BBS1: variants seen among roughly 807,000 people sequenced by gnomAD.
The protein encoded by BBS1 is BBSome complex member BBS1.
Under a neutral mutation model 73.9 loss-of-function variants are expected in BBS1, and 60 were observed. That is an observed-to-expected ratio of 0.81 (90% CI 0.66 to 1.01). The LOEUF (loss-of-function observed/expected upper bound fraction) is 1.01. BBS1 is among the 50% of genes least tolerant of loss of function. BBS1 has a pLI of 0.00. For synonymous variants in BBS1, 283 were observed against 317.4 expected (o/e 0.89, Z 1.15); for missense variants, 718 against 770.3 (o/e 0.93, Z 0.80).
At position 66,514,480 on chromosome 11, in the gene BBS1, C is replaced by T. The variant is rs748732460; in HGVS notation, c.234C>T (p.Thr78=). The change falls in exon 4 of 17, where the codon ACC becomes ACT. Residue 78 remains threonine, a synonymous_variant. Transcript: ENST00000318312. ...TGCTCAAAGGACCACTGGTGATGAC[C>T]GAAAGCCCGCTACCTGCTCTGCCAG... ...LKVLKGPLVM[T]ESPLPALPAA... The T allele has an allele frequency of 1.1e-5, 17 of 1,614,048 alleles. No individual in the cohort carries two copies. In the African/African-American group the frequency reaches 1.6e-4, roughly 15 times the overall value.
intron 1 of BBS1, 112 bp downstream of exon 1, chr11:66,510,818 G>A: frequency 6.7e-7 from 1 of 1,497,502 alleles, no homozygotes; most frequent in East Asian, 2.3e-5. Flanking sequence ...ACTCTTAAGA[G>A]GTCAGATAGG....
chr11:66,532,603 C>T lies in BBS1; in HGVS notation c.*566C>T. 1 of 155,864 alleles carries T rather than the reference C, an allele frequency of 6.4e-6. No individual in the cohort carries two copies. The highest frequency in any genetic ancestry group is 1.4e-5 in the Non-Finnish European group (1 of 70,142). The allele number at this position is 155,864 out of a possible 1,614,324, so 9.7% of individuals were successfully genotyped here. A position where few individuals can be genotyped will look rare whatever the true frequency, so the allele number is the denominator to read the frequency against. On this transcript the variant is annotated 3_prime_UTR_variant, in exon 17 of 17. Coordinates refer to ENST00000318312, the MANE Select transcript of BBS1 (RefSeq NM_024649.5). ...AGCAAACCCAGGGAATAGCCCTCCTCTCCCCAGGAAACTTCTCTGAAATCT... is the reference window on the plus strand; with the variant it reads ...AGCAAACCCAGGGAATAGCCCTCCTTTCCCCAGGAAACTTCTCTGAAATCT...
At chr11:66,513,740 T>C (rs1330944975) in intron 3 of BBS1, among the ~76,000 whole-genome samples, 1 of 152,194 alleles carries the variant, frequency 6.6e-6, no homozygotes, top group Non-Finnish European at 1.5e-5. Context: ...TCTGATGTGG[T>C]CCCTGGCATA....
At chr11:66,516,122 C>CTTTTT (rs35735110) in intron 7 of BBS1, among the ~76,000 whole-genome samples, 189 bp downstream of exon 7, 20 of 99,358 alleles carry the variant, frequency 2.0e-4, no homozygotes, top group East Asian at 2.8e-4. Flanking sequence ...GTAGTGACAG[C>CTTTTT]TTTTTTTTTT....
At chr11:66,522,003 G>A (rs532303218) in intron 9 of BBS1, among the ~76,000 whole-genome samples, 183 of 150,854 alleles carry the variant, frequency 1.2e-3, no homozygotes, top group Admixed American at 2.9e-3. Flanking sequence ...GGATCATGAG[G>A]TCAGGAGATC....
At chr11:66,511,129 TG>T (rs1270113084) in intron 2 of BBS1, 40 bp downstream of exon 2, 4 of 1,613,634 alleles carry the variant, frequency 2.5e-6, no homozygotes, top group Admixed American at 1.7e-5. Flanking sequence ...TCTAGTGGGA[TG>T]GGGAGTCAGA....
intron 7 of BBS1, among the ~76,000 whole-genome samples, chr11:66,516,315 G>A (rs1321702797): frequency 2.0e-5 from 3 of 151,780 alleles, no homozygotes; most frequent in South Asian, 2.1e-4. Context: ...TAGTAGAGAC[G>A]GGGTTTCACC....
At chr11:66,513,933 T>TGA (rs59656982) in intron 3 of BBS1, among the ~76,000 whole-genome samples, 37,405 of 151,806 alleles carry the variant, frequency 0.25, 4,828 homozygotes, top group East Asian at 0.27. Context: ...GGTGGAAAGC[T>TGA]GAGATCAAGG....
At chr11:66,531,578 T>C (rs1856782051) in intron 15 of BBS1, 78 bp from the exon 16 acceptor site, 4 of 1,585,062 alleles carry the variant, frequency 2.5e-6, no homozygotes, top group South Asian at 2.2e-5. Flanking sequence ...CAGTGGAGAC[T>C]GCGGGCCTGA....
intron 7 of BBS1, among the ~76,000 whole-genome samples, chr11:66,517,871 C>T (rs1689974289): frequency 6.6e-6 from 1 of 151,936 alleles, no homozygotes; most frequent in African/African-American, 2.4e-5. Context: ...TCCCAAAGTG[C>T]TGGGATTACA....
Position 66,532,072 on chromosome 11 carries a change from G to C in BBS1, c.*35G>C. Reference sequence around the variant, plus strand: ...TGCTGTGAAAGCCCCTGCACAATCAGCCAGGGAGAACTGGGCGGGTTTAGT... The same window carrying C: ...TGCTGTGAAAGCCCCTGCACAATCACCCAGGGAGAACTGGGCGGGTTTAGT... On this transcript the variant is annotated 3_prime_UTR_variant, in exon 17 of 17. Transcript: ENST00000318312. 6.4e-7 allele frequency: 1 copy of C among 1,573,666 alleles called. No individual in the cohort carries two copies. Among genetic ancestry groups the C allele is most frequent in the Admixed American group, 1.8e-5 (1 of 54,380 alleles).
chr11:66,529,171 G>T (rs1856650433), intron 13 of BBS1: 1 of 1,250,044 alleles, frequency 8.0e-7, no homozygotes, highest in African/African-American at 1.6e-5. Context: ...GCCCAGTCTG[G>T]AAGAGGAGGG....
chr11:66,526,313 C>A, intron 12 of BBS1, 121 bp downstream of exon 12: 3 of 1,000,768 alleles, frequency 3.0e-6, no homozygotes, highest in Non-Finnish European at 4.5e-6. Flanking sequence ...GAAAGTAAGG[C>A]CTACAGAAGT....
At position 66,530,884 on chromosome 11, in the gene BBS1, C is replaced by G. The variant is rs1177411873; in HGVS notation, c.1474-10C>G. 1 of 1,614,236 alleles carries G rather than the reference C, an allele frequency of 6.2e-7. No homozygotes were observed. Among genetic ancestry groups the G allele is most frequent in the Admixed American group, 1.7e-5 (1 of 60,032 alleles). On this transcript the variant is annotated splice_polypyrimidine_tract_variant and intron_variant, in intron 14 of 16. Coordinates refer to ENST00000318312, the MANE Select transcript of BBS1 (RefSeq NM_024649.5). ...GTCCTAAGGGCTTTCTCCACCCACC[C>G]TCTCCATAGGTTCAGGGCCTTGGCC...
chr11:66,519,563 T>A, intron 7 of BBS1, 54 bp from the exon 8 acceptor site: 1 of 1,611,962 alleles, frequency 6.2e-7, no homozygotes, highest in Non-Finnish European at 8.5e-7. Context: ...TCTGGGAGTA[T>A]CTTGGGGGTG....
intron 13 of BBS1, among the ~76,000 whole-genome samples, chr11:66,527,400 G>A (rs1856563697): frequency 6.6e-6 from 1 of 152,106 alleles, no homozygotes; most frequent in African/African-American, 2.4e-5. Context: ...GCCAGGTGCA[G>A]TGGCTCACGC....
chr11:66,519,560 G>T (rs1369099313), intron 7 of BBS1, 57 bp from the exon 8 acceptor site: 1 of 1,611,012 alleles, frequency 6.2e-7, no homozygotes, highest in Non-Finnish European at 8.5e-7. Flanking sequence ...CATTCTGGGA[G>T]TATCTTGGGG....
At chr11:66,530,786 TAGG>T in intron 14 of BBS1, 105 bp from the exon 15 acceptor site, 3 of 1,478,790 alleles carry the variant, frequency 2.0e-6, no homozygotes, top group Admixed American at 1.7e-5. Context: ...GCAGATTGAG[TAGG>T]AGGAGGGGAC....
intron 3 of BBS1, among the ~76,000 whole-genome samples, chr11:66,512,472 T>G (rs987559228): frequency 6.6e-6 from 1 of 152,204 alleles, no homozygotes; most frequent in African/African-American, 2.4e-5. Flanking sequence ...CTATCCATAA[T>G]GTATTCAGTA....
Sources: allele counts gnomAD v4.1 joint callset (sites outside exome capture counted in the v4.1 genomes callset), GRCh38; gene constraint gnomAD v4.1.1; transcripts MANE v1.5; gene names NCBI Gene and HGNC (gene_info 2026-07-23, HGNC 2026-07-21).